Variants in TSEN54 observed in about 807,000 individuals in gnomAD.
TSEN54 encodes the protein tRNA-splicing endonuclease subunit Sen54.
TSEN54 carries 55 observed loss-of-function variants against 61.9 expected under a neutral mutation model. That is an observed-to-expected ratio of 0.89 (90% confidence interval 0.72 to 1.11). The LOEUF (loss-of-function observed/expected upper bound fraction) is 1.11, where lower values mean the gene tolerates loss of function less well. TSEN54 is among the 50% of genes most tolerant of loss of function. The probability of loss-of-function intolerance (pLI) is 0.00; values close to 1 mark genes in which losing one functional copy is unlikely to be tolerated. For missense variants in TSEN54, 760 were observed against 687.7 expected (o/e 1.11, Z -1.18); for synonymous variants, 304 against 288.7 (o/e 1.05, Z -0.54).
chr17:75,519,174 T>G (rs1004700811), intron 6 of TSEN54, 127 bp downstream of exon 6: 7 of 1,048,972 alleles, frequency 6.7e-6, no homozygotes, highest in African/African-American at 1.6e-5. Context: ...GGGCACAGAC[T>G]GGGGGCGCCT....
At chr17:75,524,148 T>C (rs1472164752) in intron 10 of TSEN54, 114 bp from the exon 11 acceptor site, 1 of 1,470,868 alleles carries the variant, frequency 6.8e-7, no homozygotes, top group African/African-American at 1.4e-5. Flanking sequence ...GAGACAGAAC[T>C]CATGGGTCAG....
At chr17:75,519,980 G>A (rs2053410676) in intron 6 of TSEN54, among the ~76,000 whole-genome samples, 1 of 152,166 alleles carries the variant, frequency 6.6e-6, no homozygotes, top group Non-Finnish European at 1.5e-5. Flanking sequence ...ATTTGCTGGG[G>A]GTCAGGCCCT....
chr17:75,524,230 C>T, intron 10 of TSEN54, 32 bp from the exon 11 acceptor site: 4 of 1,613,986 alleles, frequency 2.5e-6, no homozygotes, highest in Non-Finnish European at 1.7e-6. Flanking sequence ...TGGGCTATGG[C>T]TGGGTCTCAC....
chr17:75,516,820 T>C lies in TSEN54; in HGVS notation c.131T>C (p.Leu44Pro), dbSNP rs1312275504. ...PQRSHGPKDF[L>P]PDGSAAQAER... ...CGCTCGCATGGCCCCAAGGACTTTC[T>C]GCCCGACGGCTCGGCAGCTCAGGCC... Residue 44 changes from leucine (L) to proline (P), a missense_variant, in exon 2 of 11, where the codon CTG becomes CCG. Physicochemically the swap from Leu to Pro is moderately conservative, Grantham distance 98. Coordinates refer to ENST00000333213, the MANE Select transcript of TSEN54 (RefSeq NM_207346.3). 1 of 1,592,886 alleles carries C rather than the reference T, an allele frequency of 6.3e-7. No individual in the cohort carries two copies. The highest frequency in any genetic ancestry group is 8.5e-7 in the Non-Finnish European group (1 of 1,176,526).
chr17:75,519,199 G>A, intron 6 of TSEN54, 152 bp downstream of exon 6: 1 of 871,614 alleles, frequency 1.1e-6, no homozygotes. Context: ...GAAGCGTTCT[G>A]AGAGAGGCAG....
intron 8 of TSEN54, 160 bp downstream of exon 8, chr17:75,522,493 C>A: frequency 6.7e-7 from 1 of 1,491,036 alleles, no homozygotes; most frequent in South Asian, 1.3e-5. Flanking sequence ...GCGGCTGCAG[C>A]AGGGCCTGTG....
In TSEN54 at chr17:75,524,478, T is replaced by C; in HGVS notation, c.*66T>C. Reference sequence around the variant, plus strand: ...CGGGACTGTCTGTTCTCAGGGACCATCTCGGCTGCCTCCTGTACCCAGACT... The same window carrying C: ...CGGGACTGTCTGTTCTCAGGGACCACCTCGGCTGCCTCCTGTACCCAGACT... On this transcript the variant is annotated 3_prime_UTR_variant, in exon 11 of 11. Coordinates refer to ENST00000333213, the MANE Select transcript of TSEN54 (RefSeq NM_207346.3). The C allele has an allele frequency of 6.2e-7, 1 of 1,601,874 alleles. No homozygotes were observed. Among genetic ancestry groups the C allele is most frequent in the Non-Finnish European group, 8.5e-7 (1 of 1,172,978 alleles).
chr17:75,521,972 C>CT lies in TSEN54; in HGVS notation c.893dup (p.Glu299ArgfsTer37). 1.2e-6 allele frequency: 2 copies of CT among 1,608,628 alleles called. No individual in the cohort carries two copies. Among genetic ancestry groups the CT allele is most frequent in the Non-Finnish European group, 1.7e-6 (2 of 1,178,308 alleles). ...CGGGAGCCGGTAAGCGGCGCTGGAA[C>CT]TTCGAGCAGATCTCCTTCCCCAACA... On this transcript the variant is annotated frameshift_variant, in exon 8 of 11. Transcript: ENST00000333213. LOFTEE classifies it high-confidence loss of function.
At chr17:75,517,492 T>G in intron 4 of TSEN54, 65 bp from the exon 5 acceptor site, 10 of 1,436,250 alleles carry the variant, frequency 7.0e-6, no homozygotes, top group Non-Finnish European at 9.8e-6. Context: ...AGCTGGGAAG[T>G]TGCCCCATTC....
Position 75,517,671 on chromosome 17 carries a change from C to G in TSEN54, c.468+16C>G, listed in dbSNP as rs755789306. ...GCAGTACCAGGTATCTGCCACCACC[C>G]CGCCTCCGGGAGCCACCCATCCACT... On this transcript the variant is annotated intron_variant, in intron 5 of 10. Coordinates refer to ENST00000333213, the MANE Select transcript of TSEN54 (RefSeq NM_207346.3). 11 of 1,607,850 alleles carry G rather than the reference C, an allele frequency of 6.8e-6. No individual in the cohort carries two copies. Among genetic ancestry groups the G allele is most frequent in the African/African-American group, 1.3e-5 (1 of 74,782 alleles).
At position 75,523,720 on chromosome 17, in the gene TSEN54, T is replaced by C. The variant is rs2147016622; in HGVS notation, c.1371T>C (p.Ala457=). The C allele has an allele frequency of 1.2e-6, 2 of 1,614,186 alleles. No individual in the cohort carries two copies. Among genetic ancestry groups the C allele is most frequent in the Admixed American group, 1.7e-5 (1 of 60,030 alleles). The part of the protein sequence containing the change: ...EIIFDVYQAD[A]VATFRKNNPG... The stretch of plus-strand genomic sequence containing the variant: ...TCTTTGATGTTTACCAGGCCGACGC[T>C]GTGGCCACATTCCGAAAGAATAACC... The change falls in exon 10 of 11, where the codon GCT becomes GCC. Residue 457 remains alanine, a synonymous_variant. Transcript: ENST00000333213.
rs1298711128 is a variant in TSEN54 at position 75,521,932 on chromosome 17, C to T, written c.851C>T (p.Ala284Val). The part of the protein sequence containing the change: ...GVGCSWESGR[A>V]ENGVTGAGKR... ...GGGTGCAGCTGGGAGAGTGGCAGAG[C>T]CGAGAACGGAGTCACGGGAGCCGGT... is the stretch of plus-strand genomic sequence containing the variant. Residue 284 changes from alanine to valine, a missense_variant, in exon 8 of 11, where the codon GCC becomes GTC. Ala to Val is a moderately conservative substitution (Grantham distance 64). Transcript: ENST00000333213. 4.3e-6 allele frequency: 7 copies of T among 1,610,234 alleles called. No homozygotes were observed. The highest frequency in any genetic ancestry group is 5.1e-6 in the Non-Finnish European group (6 of 1,179,018).
At chr17:75,520,366 A>G (rs1019143362) in intron 6 of TSEN54, among the ~76,000 whole-genome samples, 12 of 150,814 alleles carry the variant, frequency 8.0e-5, no homozygotes, top group Admixed American at 1.3e-4. Flanking sequence ...GCTCAGGAGT[A>G]CGAGACCAGC....
chr17:75,523,363 C>T (rs974542434), intron 9 of TSEN54, 28 bp downstream of exon 9: 6 of 1,613,738 alleles, frequency 3.7e-6, no homozygotes, highest in Non-Finnish European at 3.4e-6. Context: ...GCCGTCTCTG[C>T]AGTACCTTGA....
intron 10 of TSEN54, 101 bp from the exon 11 acceptor site, chr17:75,524,161 T>G (rs2053471417): frequency 2.6e-6 from 4 of 1,546,280 alleles, no homozygotes; most frequent in Non-Finnish European, 3.6e-6. Context: ...TGGGTCAGAA[T>G]TCTTGCACCC....
chr17:75,522,463 C>A (rs1287614248), intron 8 of TSEN54, 130 bp downstream of exon 8: 1 of 1,513,268 alleles, frequency 6.6e-7, no homozygotes, highest in South Asian at 1.2e-5. Context: ...AGTGGACCCA[C>A]AAGCACGGTC....
At chr17:75,518,944 G>A (rs1295449766) in intron 5 of TSEN54, 51 bp from the exon 6 acceptor site, 3 of 1,610,792 alleles carry the variant, frequency 1.9e-6, no homozygotes, top group Admixed American at 1.7e-5. Context: ...AAACCATTTG[G>A]TGTTTTCCAG....
intron 6 of TSEN54, 47 bp from the exon 7 acceptor site, chr17:75,521,362 G>C: frequency 6.7e-7 from 1 of 1,502,906 alleles, no homozygotes; most frequent in Non-Finnish European, 9.3e-7. Context: ...CAGATCCCCA[G>C]GCTGAGGAGG....
At chr17:75,520,589 A>G (rs917562942) in intron 6 of TSEN54, among the ~76,000 whole-genome samples, 1 of 151,722 alleles carries the variant, frequency 6.6e-6, no homozygotes, top group Non-Finnish European at 1.5e-5. Flanking sequence ...CTATCTCAAA[A>G]AAAAAAGCAA....
Sources: allele counts gnomAD v4.1 joint callset (sites outside exome capture counted in the v4.1 genomes callset), GRCh38; gene constraint gnomAD v4.1.1; transcripts MANE v1.5; gene names NCBI Gene and HGNC (gene_info 2026-07-23, HGNC 2026-07-21).